The following CCDC73 variants were observed in gnomAD, a reference collection of about 807,000 sequenced individuals.
CCDC73 encodes the protein coiled-coil domain containing 73.
A neutral mutation model predicts 116.5 loss-of-function variants in CCDC73; 95 were observed. That is an observed-to-expected ratio of 0.82 (90% CI 0.69 to 0.97). CCDC73 has a LOEUF of 0.97. Ranked by LOEUF, CCDC73 falls within the 50% of genes least tolerant of loss-of-function variation. The pLI, the probability that CCDC73 is intolerant of heterozygous loss-of-function variation, is 0.00. For missense variants in CCDC73, 1,066 were observed against 1,206.8 expected (o/e 0.88, Z 1.73); for synonymous variants, 398 against 401.3 (o/e 0.99, Z 0.10).
chr11:32,676,020 TC>T lies in CCDC73; in HGVS notation c.430del (p.Glu144AsnfsTer18). On this transcript the variant is annotated frameshift_variant and splice_region_variant, in exon 8 of 18. Transcript: ENST00000335185. LOFTEE classifies it high-confidence loss of function. ...YSLQKKVSEM[E>X]QKVQLHLLAK... is the part of the protein sequence containing the mutation. ...CAGAAGATGTAACTGGACCTTTTGTTCCTATTTTGAAGAGTAATTTTAAATG... is the reference window on the plus strand; with the variant it reads ...CAGAAGATGTAACTGGACCTTTTGTTCTATTTTGAAGAGTAATTTTAAATG... 6.3e-7 allele frequency: 1 copy of T among 1,587,146 alleles called. No individual in the cohort carries two copies. Among genetic ancestry groups the T allele is most frequent in the Non-Finnish European group, 8.5e-7 (1 of 1,171,592 alleles).
intron 10 of CCDC73, 103 bp from the exon 11 acceptor site, chr11:32,654,140 C>T: frequency 1.0e-6 from 1 of 967,810 alleles, no homozygotes. Context: ...CTATTCCTAC[C>T]CCCAGAGTAC....
chr11:32,677,955 CAAAAAAAAAAA>C (rs34907847), intron 7 of CCDC73, among the ~76,000 whole-genome samples: 3 of 64,284 alleles, frequency 4.7e-5, no homozygotes, highest in African/African-American at 2.0e-4. Flanking sequence ...GATTCCATCT[CAAAAAAAAAAA>C]AAAAAAAAAA....
At chr11:32,659,890 T>C (rs978340079) in intron 9 of CCDC73, among the ~76,000 whole-genome samples, 1 of 152,172 alleles carries the variant, frequency 6.6e-6, no homozygotes, top group East Asian at 1.9e-4. Flanking sequence ...ATGGCAATTG[T>C]ATCATTCTGG....
chr11:32,629,549 G>A (rs1420939861), intron 14 of CCDC73, among the ~76,000 whole-genome samples: 2 of 151,964 alleles, frequency 1.3e-5, no homozygotes, highest in South Asian at 2.1e-4. Flanking sequence ...ACAGGCATGC[G>A]CCACCACGCC....
intron 9 of CCDC73, among the ~76,000 whole-genome samples, chr11:32,673,845 A>G (rs553553067): frequency 6.6e-6 from 1 of 152,344 alleles, no homozygotes; most frequent in African/African-American, 2.4e-5. Flanking sequence ...GCAGCACTGT[A>G]GCTGTCACCA....
chr11:32,680,143 T>C (rs1856130405), intron 7 of CCDC73: 1 of 152,164 alleles, frequency 6.6e-6, no homozygotes, highest in South Asian at 2.1e-4. Context: ...AGGTCCATTG[T>C]CCAGTTTGCC....
At chr11:32,663,688 T>C (rs372353408) in intron 9 of CCDC73, among the ~76,000 whole-genome samples, 32 of 152,322 alleles carry the variant, frequency 2.1e-4, no homozygotes, top group African/African-American at 6.7e-4. Flanking sequence ...TCTTGCCTGA[T>C]TGCCCTGGTC....
intron 2 of CCDC73, among the ~76,000 whole-genome samples, chr11:32,740,313 A>C (rs1474470019): frequency 2.0e-5 from 3 of 151,940 alleles, no homozygotes; most frequent in Non-Finnish European, 4.4e-5. Context: ...CAGTGAAGCC[A>C]TTGGGTCCCA....
Position 32,695,368 on chromosome 11 carries a change from C to CAAA in CCDC73, c.390+3880_390+3882dup, listed in dbSNP as rs34683408. 1.4e-3 allele frequency among the ~76,000 whole-genome samples: 170 copies of CAAA among 122,682 alleles called. 1 individual carries two copies. Among genetic ancestry groups the CAAA allele is most frequent in the African/African-American group, 3.0e-3 (96 of 32,354 alleles). The allele number at this position is 122,682 out of a possible 152,430, so 80.5% of individuals were successfully genotyped here. A position where few individuals can be genotyped will look rare whatever the true frequency, so the allele number is the denominator to read the frequency against. ...TGGGCAACACAGTGAGACTCCATCT[C>CAAA]AAAAAAAAAAAAAAAGAGCTTGCCT... On this transcript the variant is annotated intron_variant, in intron 6 of 17. Coordinates refer to ENST00000335185, the MANE Select transcript of CCDC73 (RefSeq NM_001008391.4).
At chr11:32,796,133 C>T (rs548709075), upstream of CCDC73, among the ~76,000 whole-genome samples, 7 of 152,338 alleles carry the variant, frequency 4.6e-5, no homozygotes, top group East Asian at 1.9e-4. Context: ...CACCCATGCA[C>T]ATCCCCTACT....
At position 32,699,304 on chromosome 11, in the gene CCDC73, C is replaced by A; in HGVS notation, c.337G>T (p.Glu113Ter). The change falls in exon 6 of 18, where the codon GAA becomes TAA. Residue 113 changes from glutamate to a stop codon, truncating the protein, a stop_gained. Transcript: ENST00000335185. LOFTEE classifies it high-confidence loss of function. ...EEKGKYQLAT[E>*]IKEKEIEGLK... is the part of the protein sequence containing the mutation. Reference sequence around the variant, plus strand: ...CCTTCTATTTCTTTTTCCTTTATTTCTGTAGCAAGTTGATATTTTCCCTTT... The same window carrying A: ...CCTTCTATTTCTTTTTCCTTTATTTATGTAGCAAGTTGATATTTTCCCTTT... 2 of 1,571,582 alleles carry A rather than the reference C, an allele frequency of 1.3e-6. No homozygotes were observed. Among genetic ancestry groups the A allele is most frequent in the Non-Finnish European group, 1.7e-6 (2 of 1,154,626 alleles).
upstream of CCDC73, among the ~76,000 whole-genome samples, chr11:32,796,289 G>A (rs1212247863): frequency 6.6e-6 from 1 of 152,190 alleles, no homozygotes; most frequent in Non-Finnish European, 1.5e-5. Flanking sequence ...TGCCTGGCAT[G>A]TAAATGCCAA....
intron 2 of CCDC73, among the ~76,000 whole-genome samples, chr11:32,727,600 T>G (rs1850039207): frequency 6.6e-6 from 1 of 152,178 alleles, no homozygotes; most frequent in Admixed American, 6.5e-5. Context: ...TGAGACGTTG[T>G]CTCGCTCTGT....
At position 32,675,967 on chromosome 11, in the gene CCDC73, T is replaced by C. The variant is rs950441907; in HGVS notation, c.484A>G (p.Ser162Gly). 2.5e-6 allele frequency: 4 copies of C among 1,609,400 alleles called. No individual in the cohort carries two copies. The African/African-American group carries it at 5.3e-5, about 22-fold the overall frequency. ...LAKEDYHKQL[S>G]EIEKYYATIT... ...GTGGCATAATATTTCTCAATTTCAC[T>C]CAGTTGCTTATGATAGTCTTCTTTA... is the stretch of plus-strand genomic sequence containing the variant. The change falls in exon 8 of 18, where the codon AGT (serine) becomes GGT (glycine). Residue 162 changes from serine (S) to glycine (G), a missense_variant. Ser to Gly is a moderately conservative substitution (Grantham distance 56). Transcript: ENST00000335185.
intron 2 of CCDC73, among the ~76,000 whole-genome samples, chr11:32,750,760 T>C (rs1402698158): frequency 6.6e-6 from 1 of 152,090 alleles, no homozygotes; most frequent in Non-Finnish European, 1.5e-5. Flanking sequence ...CATGAGCCAA[T>C]GCCTGGAATT....
In CCDC73 at chr11:32,721,523, G is replaced by A. The variant is rs560187875; in HGVS notation, c.136-3376C>T. ...TTGACAATTTTCATAACAACATGTTGGAGAGAAACCAAAGAGTAGATATTA... is the reference window on the plus strand; with the variant it reads ...TTGACAATTTTCATAACAACATGTTAGAGAGAAACCAAAGAGTAGATATTA... On this transcript the variant is annotated intron_variant, in intron 2 of 17. Transcript: ENST00000335185. Among the ~76,000 whole-genome samples, 19 of 152,066 alleles carry A rather than the reference G, an allele frequency of 1.2e-4. No individual in the cohort carries two copies. The East Asian group carries it at 3.3e-3, about 26-fold the overall frequency.
rs1295451875 is a variant in CCDC73 at position 32,755,736 on chromosome 11, CAT to C, written c.135+4371_135+4372del. Among the ~76,000 whole-genome samples the C allele has an allele frequency of 1.2e-3, 32 of 27,288 alleles. 1 individual carries two copies. The highest frequency in any genetic ancestry group is 1.8e-3 in the African/African-American group (11 of 6,182). The allele number at this position is 27,288 out of a possible 152,430, so 17.9% of individuals were successfully genotyped here. Reference sequence around the variant, plus strand: ...ATATATATGTGTATATATATATCTCCATATATATGTGTATATATATATATCTC... The same window carrying C: ...ATATATATGTGTATATATATATCTCCATATATGTGTATATATATATATCTC... On this transcript the variant is annotated intron_variant, in intron 2 of 17. Coordinates refer to ENST00000335185, the MANE Select transcript of CCDC73 (RefSeq NM_001008391.4).
intron 6 of CCDC73, among the ~76,000 whole-genome samples, chr11:32,686,253 T>C (rs572185656): frequency 2.0e-4 from 27 of 135,468 alleles, no homozygotes; most frequent in African/African-American, 6.9e-4. Context: ...AAAAAGAGAG[T>C]TGTCATTAAC....
chr11:32,688,672 C>G (rs1361908631), intron 6 of CCDC73, among the ~76,000 whole-genome samples: 1 of 152,082 alleles, frequency 6.6e-6, no homozygotes, highest in Non-Finnish European at 1.5e-5. Flanking sequence ...GCAAATTATT[C>G]TAAAATCATT....
Sources: allele counts gnomAD v4.1 joint callset (sites outside exome capture counted in the v4.1 genomes callset), GRCh38; gene constraint gnomAD v4.1.1; transcripts MANE v1.5; gene names NCBI Gene and HGNC (gene_info 2026-07-23, HGNC 2026-07-21).